PDK1: variants seen among roughly 807,000 people sequenced by gnomAD.
The protein encoded by PDK1 is [Pyruvate dehydrogenase (acetyl-transferring)] kinase isozyme 1, mitochondrial.
A neutral mutation model predicts 54.2 loss-of-function variants in PDK1; 39 were observed. The observed-to-expected ratio is 0.72, with a 90% CI of 0.56 to 0.94. The LOEUF is 0.94. Among genes scored for constraint, PDK1 ranks in the 40% least tolerant of loss-of-function variants. The pLI, the probability that PDK1 is intolerant of heterozygous loss-of-function variation, is 0.00. For missense variants in PDK1, 552 were observed against 566.0 expected (o/e 0.98, Z 0.25); for synonymous variants, 221 against 207.1 (o/e 1.07, Z -0.58).
the PDK1 span, among the ~76,000 whole-genome samples, chr2:172,630,898 G>C: frequency 6.6e-6 from 1 of 152,122 alleles, no homozygotes; most frequent in South Asian, 2.1e-4. Flanking sequence ...CCAAAGTGCT[G>C]GGTTTATAGG....
chr2:172,646,103 A>G, the PDK1 span, among the ~76,000 whole-genome samples: 5 of 152,252 alleles, frequency 3.3e-5, no homozygotes, highest in Non-Finnish European at 5.9e-5. Flanking sequence ...CAACTGGATT[A>G]TTATAATTTA....
At chr2:172,633,620 C>T in the PDK1 span, among the ~76,000 whole-genome samples, 1 of 151,094 alleles carries the variant, frequency 6.6e-6, no homozygotes, top group South Asian at 2.1e-4. Flanking sequence ...ATGTAACAAA[C>T]TCCCATAAGC....
the PDK1 span, among the ~76,000 whole-genome samples, chr2:172,632,003 T>C: frequency 6.6e-6 from 1 of 152,086 alleles, no homozygotes; most frequent in Non-Finnish European, 1.5e-5. Flanking sequence ...AGGCCGGACG[T>C]GGTGGCTCAC....
the PDK1 span, among the ~76,000 whole-genome samples, chr2:172,653,434 C>T: frequency 6.6e-6 from 1 of 152,108 alleles, no homozygotes; most frequent in Non-Finnish European, 1.5e-5. Context: ...GAAACTCCAT[C>T]TCTACTAAAA....
chr2:172,647,478 T>A, the PDK1 span, among the ~76,000 whole-genome samples: 1 of 152,188 alleles, frequency 6.6e-6, no homozygotes, highest in African/African-American at 2.4e-5. Flanking sequence ...AGGCAACTTA[T>A]GGCCAAAGTA....
intron 8 of PDK1, among the ~76,000 whole-genome samples, chr2:172,574,142 T>C (rs975648104): frequency 1.3e-5 from 2 of 152,250 alleles, no homozygotes; most frequent in Admixed American, 1.3e-4. Flanking sequence ...TTCATTCTTT[T>C]GCATGTGGAT....
the PDK1 span, among the ~76,000 whole-genome samples, chr2:172,716,267 A>ACCTACAC: frequency 2.0e-5 from 3 of 152,146 alleles, no homozygotes; most frequent in Non-Finnish European, 2.9e-5. Context: ...ATATTTCTCA[A>ACCTACAC]CCTACACCAT....
chr2:172,564,541 A>G lies in PDK1; in HGVS notation c.449A>G (p.Asn150Ser). ...GTGATACGGATCAGAAACCGACACAATGATGTCATTCCCACAATGGCCCAG... is the reference window on the plus strand; with the variant it reads ...GTGATACGGATCAGAAACCGACACAGTGATGTCATTCCCACAATGGCCCAG... ...DTVIRIRNRH[N>S]DVIPTMAQGV... Residue 150 changes from asparagine to serine, a missense_variant, in exon 4 of 11, where the codon AAT (asparagine) becomes AGT (serine). Coordinates refer to ENST00000282077, the MANE Select transcript of PDK1 (RefSeq NM_002610.5). 1 of 1,614,136 alleles carries G rather than the reference A, an allele frequency of 6.2e-7. No homozygotes were observed.
intron 2 of PDK1, among the ~76,000 whole-genome samples, chr2:172,560,724 G>A (rs1323367808): frequency 1.3e-5 from 2 of 152,166 alleles, no homozygotes; most frequent in Admixed American, 1.3e-4. Flanking sequence ...AGAAGTTTTT[G>A]GAATTGTGTA....
the PDK1 span, among the ~76,000 whole-genome samples, chr2:172,667,196 G>T: frequency 1.3e-5 from 2 of 152,184 alleles, no homozygotes; most frequent in African/African-American, 2.4e-5. Context: ...GAAAACAGAA[G>T]CAGGACCTCT....
At chr2:172,653,248 T>A in the PDK1 span, among the ~76,000 whole-genome samples, 1 of 152,164 alleles carries the variant, frequency 6.6e-6, no homozygotes, top group Non-Finnish European at 1.5e-5. Context: ...TAAATGGTGC[T>A]GTGAAAACTG....
chr2:172,711,728 T>C, the PDK1 span, among the ~76,000 whole-genome samples: 1 of 151,742 alleles, frequency 6.6e-6, no homozygotes, highest in Non-Finnish European at 1.5e-5. Flanking sequence ...TAGCCAGGCA[T>C]GGTGGTGCAG....
the PDK1 span, among the ~76,000 whole-genome samples, chr2:172,622,247 TTA>T: frequency 7.8e-4 from 115 of 147,324 alleles, no homozygotes; most frequent in African/African-American, 2.7e-3. Flanking sequence ...TGTGAGATGT[TTA>T]TATCTCATAT....
At chr2:172,673,223 G>A in the PDK1 span, among the ~76,000 whole-genome samples, 2 of 152,150 alleles carry the variant, frequency 1.3e-5, no homozygotes, top group South Asian at 4.2e-4. Flanking sequence ...GGGGTGTGTT[G>A]TCCACATGCA....
At chr2:172,687,286 C>T in the PDK1 span, among the ~76,000 whole-genome samples, 1 of 151,658 alleles carries the variant, frequency 6.6e-6, no homozygotes, top group Non-Finnish European at 1.5e-5. Flanking sequence ...AATACTAATT[C>T]CTGTCTTTCC....
Position 172,556,124 on chromosome 2 carries a change from G to A in PDK1, c.-27G>A. 7.2e-7 allele frequency: 1 copy of A among 1,381,400 alleles called. No homozygotes were observed. The highest frequency in any genetic ancestry group is 9.3e-7 in the Non-Finnish European group (1 of 1,073,726). The allele number at this position is 1,381,400 out of a possible 1,614,324, so 85.6% of individuals were successfully genotyped here. ...AGGCGCGGGGAAACCTGGCGTACTG[G>A]CTGTGGCTTCTCTAGCGGGACTCGG... is the stretch of plus-strand genomic sequence containing the variant. On this transcript the variant is annotated 5_prime_UTR_variant, in exon 1 of 11. Transcript: ENST00000282077.
At chr2:172,616,961 T>A in the PDK1 span, among the ~76,000 whole-genome samples, 2 of 152,172 alleles carry the variant, frequency 1.3e-5, no homozygotes, top group South Asian at 4.1e-4. Context: ...TTTATTTTAT[T>A]TATTTTTGGA....
chr2:172,636,738 C>G, the PDK1 span, among the ~76,000 whole-genome samples: 1 of 142,564 alleles, frequency 7.0e-6, no homozygotes, highest in African/African-American at 2.6e-5. Context: ...AAAAAAAAAG[C>G]AAGAACTCAT....
the PDK1 span, among the ~76,000 whole-genome samples, chr2:172,670,748 G>A: frequency 6.6e-6 from 1 of 152,152 alleles, no homozygotes; most frequent in African/African-American, 2.4e-5. Context: ...TTTGTATGGT[G>A]TATTTATTTT....
Sources: gnomAD v4.1 joint callset for allele counts (sites outside exome capture counted in the v4.1 genomes callset) on GRCh38, gnomAD v4.1.1 for gene constraint, MANE v1.5 for transcripts, NCBI Gene and HGNC (gene_info 2026-07-23, HGNC 2026-07-21) for gene names.